NRG3: variants seen among roughly 807,000 people sequenced by gnomAD.
NRG3 encodes the protein neuregulin 3.
Under a neutral mutation model 66.9 loss-of-function variants are expected in NRG3, and 31 were observed. The observed-to-expected ratio is 0.46, with a 90% CI of 0.35 to 0.63. The LOEUF is 0.63. NRG3 is among the 20% of genes least tolerant of loss of function. The probability of loss-of-function intolerance (pLI) is 0.00; values close to 1 mark genes in which losing one functional copy is unlikely to be tolerated. For synonymous variants in NRG3, 393 were observed against 359.4 expected (o/e 1.09, Z -1.06); for missense variants, 910 against 878.9 (o/e 1.04, Z -0.45).
intron 1 of NRG3, among the ~76,000 whole-genome samples, chr10:81,994,155 A>T (rs942570644): frequency 9.9e-5 from 15 of 152,072 alleles, no homozygotes; most frequent in Non-Finnish European, 1.9e-4. Context: ...GTATGAGAAG[A>T]CACTTGTTTA....
At chr10:82,351,426 G>A (rs1034569468) in intron 1 of NRG3, among the ~76,000 whole-genome samples, 1 of 152,224 alleles carries the variant, frequency 6.6e-6, no homozygotes, top group African/African-American at 2.4e-5. Context: ...GATGTCAGAA[G>A]AAGGAGAGCC....
intron 2 of NRG3, among the ~76,000 whole-genome samples, chr10:82,681,764 C>T (rs2054125575): frequency 6.6e-6 from 1 of 152,214 alleles, no homozygotes; most frequent in African/African-American, 2.4e-5. Flanking sequence ...TCCTCCAAAG[C>T]TGATAGAGTG....
chr10:82,357,021 G>C (rs979227946), intron 1 of NRG3, among the ~76,000 whole-genome samples: 1 of 152,198 alleles, frequency 6.6e-6, no homozygotes, highest in African/African-American at 2.4e-5. Flanking sequence ...ATTACTTGCA[G>C]TGTTGAATGC....
At chr10:82,009,162 T>G (rs1208797007) in intron 1 of NRG3, among the ~76,000 whole-genome samples, 1 of 152,210 alleles carries the variant, frequency 6.6e-6, no homozygotes, top group Admixed American at 6.5e-5. Flanking sequence ...TAAAAGGTGG[T>G]AATAAAATGT....
intron 2 of NRG3, among the ~76,000 whole-genome samples, chr10:82,476,010 A>T (rs900575885): frequency 6.6e-6 from 1 of 152,166 alleles, no homozygotes; most frequent in Non-Finnish European, 1.5e-5. Context: ...AACTTGATTT[A>T]AAAAAAGAGC....
chr10:82,800,142 G>C (rs2060976917), intron 3 of NRG3, among the ~76,000 whole-genome samples: 2 of 152,014 alleles, frequency 1.3e-5, no homozygotes, highest in African/African-American at 4.8e-5. Context: ...TCGGTTTTCT[G>C]TCTCTATCGC....
At chr10:82,466,966 G>A (rs773953734) in intron 2 of NRG3, among the ~76,000 whole-genome samples, 1 of 151,968 alleles carries the variant, frequency 6.6e-6, no homozygotes, top group Admixed American at 6.6e-5. Context: ...GCAGGCGAAG[G>A]CGGGTGGACA....
intron 3 of NRG3, among the ~76,000 whole-genome samples, chr10:82,840,317 C>G (rs898281042): frequency 9.2e-5 from 14 of 152,122 alleles, no homozygotes; most frequent in African/African-American, 2.9e-4. Context: ...ATAGCATAAT[C>G]TCACCCTCCA....
chr10:82,772,399 T>A (rs1316844642), intron 3 of NRG3, among the ~76,000 whole-genome samples: 1 of 152,140 alleles, frequency 6.6e-6, no homozygotes, highest in Non-Finnish European at 1.5e-5. Context: ...ATAGTTGTCA[T>A]GTTGCACATT....
At chr10:82,552,073 AC>A (rs759664519) in intron 2 of NRG3, among the ~76,000 whole-genome samples, 12 of 152,218 alleles carry the variant, frequency 7.9e-5, no homozygotes, top group Middle Eastern at 3.4e-3. Flanking sequence ...CTTTAGCAGG[AC>A]TGTAGGTGGA....
intron 2 of NRG3, among the ~76,000 whole-genome samples, chr10:82,646,943 T>C (rs2050980225): frequency 6.6e-6 from 1 of 151,416 alleles, no homozygotes; most frequent in African/African-American, 2.5e-5. Flanking sequence ...TTTTAAACTT[T>C]TGCATTTCTT....
chr10:82,155,025 G>C (rs2071083094), intron 1 of NRG3, among the ~76,000 whole-genome samples: 1 of 151,628 alleles, frequency 6.6e-6, no homozygotes, highest in African/African-American at 2.4e-5. Flanking sequence ...TTATTTCAAT[G>C]CTTTTTATTG....
chr10:82,202,237 A>C (rs1463997689), intron 1 of NRG3, among the ~76,000 whole-genome samples: 1 of 152,170 alleles, frequency 6.6e-6, no homozygotes, highest in East Asian at 1.9e-4. Flanking sequence ...GGATCTGGAG[A>C]TCTCTGCTGA....
chr10:82,354,451 C>T (rs1179383484), intron 1 of NRG3, among the ~76,000 whole-genome samples: 4 of 150,578 alleles, frequency 2.7e-5, no homozygotes, highest in Admixed American at 6.6e-5. Context: ...AGTGCAATGG[C>T]GCAATCTCAG....
chr10:81,975,463 A>G (rs1201440149), intron 1 of NRG3, among the ~76,000 whole-genome samples: 1 of 152,020 alleles, frequency 6.6e-6, no homozygotes, highest in East Asian at 1.9e-4. Context: ...ATATCCTAAG[A>G]TGAGGGTTAG....
chr10:82,697,591 T>A (rs1272895103), intron 2 of NRG3, among the ~76,000 whole-genome samples: 2 of 152,180 alleles, frequency 1.3e-5, no homozygotes, highest in Non-Finnish European at 2.9e-5. Context: ...ATTCAGAGTC[T>A]GGATGGATAA....
chr10:82,456,778 C>T (rs560642815), intron 2 of NRG3, among the ~76,000 whole-genome samples: 22 of 152,148 alleles, frequency 1.4e-4, no homozygotes, highest in Middle Eastern at 3.4e-3. Context: ...CCATTAGAAA[C>T]GCTGCAGCAA....
intron 1 of NRG3, among the ~76,000 whole-genome samples, chr10:82,353,543 A>G (rs1379967237): frequency 6.6e-6 from 1 of 152,158 alleles, no homozygotes; most frequent in African/African-American, 2.4e-5. Context: ...AGAAAACTTA[A>G]AAGCAAAGCA....
At chr10:82,137,090 C>T (rs907898873) in intron 1 of NRG3, among the ~76,000 whole-genome samples, 1 of 152,096 alleles carries the variant, frequency 6.6e-6, no homozygotes, top group Non-Finnish European at 1.5e-5. Context: ...ATTTGATGTT[C>T]GTGTGGGGGA....
Sources: gnomAD v4.1 joint callset for allele counts (sites outside exome capture counted in the v4.1 genomes callset) on GRCh38, gnomAD v4.1.1 for gene constraint, MANE v1.5 for transcripts, NCBI Gene and HGNC (gene_info 2026-07-23, HGNC 2026-07-21) for gene names.